Variants in ARHGEF18 observed in about 807,000 individuals in gnomAD.
ARHGEF18 encodes the protein Rho/Rac guanine nucleotide exchange factor 18, also known as rho guanine nucleotide exchange factor 18.
In ARHGEF18, 93 loss-of-function variants were observed where a neutral mutation model predicts 155.7. The observed-to-expected ratio is 0.60, with a 90% CI of 0.50 to 0.71. The LOEUF is 0.71. Ranked by LOEUF, ARHGEF18 falls within the 30% of genes least tolerant of loss-of-function variation. ARHGEF18 has a pLI of 0.00. For missense variants in ARHGEF18, 1,593 were observed against 1,816.1 expected (o/e 0.88, Z 2.23); for synonymous variants, 742 against 753.1 (o/e 0.99, Z 0.24).
At chr19:7,477,376 T>A, downstream of ARHGEF18, 1 of 1,554,590 alleles carries the variant, frequency 6.4e-7, no homozygotes. Flanking sequence ...TGCTGAGAAG[T>A]GACAGCGCCT....
At chr19:7,380,857 G>C in intron 7 of ARHGEF18, 60 bp from the exon 8 acceptor site, 1 of 1,115,806 alleles carries the variant, frequency 9.0e-7, no homozygotes, top group Non-Finnish European at 1.1e-6. Context: ...GGTAGCACTG[G>C]GGTAGGTGAG....
chr19:7,382,362 T>C (rs1433406355), intron 8 of ARHGEF18, among the ~76,000 whole-genome samples: 1 of 149,670 alleles, frequency 6.7e-6, no homozygotes, highest in African/African-American at 2.5e-5. Context: ...ACCACTGCAC[T>C]CCAGCCTGGG....
In ARHGEF18 at chr19:7,380,909, T is replaced by C. The variant is rs1401452327; in HGVS notation, c.645-8T>C. The stretch of plus-strand genomic sequence containing the variant: ...CGACCCAGGTATCTGTCCCCTCTGA[T>C]CCTGCAGGGCCCGGCAGAGGGCTTG... On this transcript the variant is annotated splice_region_variant and splice_polypyrimidine_tract_variant and intron_variant, in intron 7 of 28. Coordinates refer to ENST00000668164, the MANE Select transcript of ARHGEF18 (RefSeq NM_001367823.1). 2 of 1,231,748 alleles carry C rather than the reference T, an allele frequency of 1.6e-6. No homozygotes were observed. The highest frequency in any genetic ancestry group is 3.1e-5 in the African/African-American group (2 of 64,286). The allele number at this position is 1,231,748 out of a possible 1,614,324, so 76.3% of individuals were successfully genotyped here.
Position 7,458,558 on chromosome 19 carries a change from A to G in ARHGEF18, c.2228A>G (p.Glu743Gly). 6.2e-7 allele frequency: 1 copy of G among 1,614,136 alleles called. No individual in the cohort carries two copies. Among genetic ancestry groups the G allele is most frequent in the Non-Finnish European group, 8.5e-7 (1 of 1,180,022 alleles). ...VISLQKLIVR[E>G]VANEEKAMFL... ...TCGTTACAAAAGCTCATCGTGAGGG[A>G]AGTGGCCAACGAGGAGAAAGCGATG... is the stretch of plus-strand genomic sequence containing the variant. Residue 743 changes from glutamate to glycine, a missense_variant, in exon 19 of 29, where the codon GAA becomes GGA. Physicochemically the swap from Glu to Gly is moderately conservative, Grantham distance 98. Coordinates refer to ENST00000668164, the MANE Select transcript of ARHGEF18 (RefSeq NM_001367823.1).
At chr19:7,431,529 A>AAAAAAAAAAAAAAAAAAAAAAAAAAAAG (rs901539858) in intron 10 of ARHGEF18, among the ~76,000 whole-genome samples, 11 of 146,960 alleles carry the variant, frequency 7.5e-5, no homozygotes, top group Admixed American at 1.4e-4. Context: ...AAAAAAAAAA[A>AAAAAAAAAAAAAAAAAAAAAAAAAAAAG]AAAAGGCCGG....
chr19:7,403,733 C>T (rs1389638271), intron 10 of ARHGEF18, among the ~76,000 whole-genome samples: 3 of 151,810 alleles, frequency 2.0e-5, no homozygotes, highest in Non-Finnish European at 2.9e-5. Context: ...GATGAAGCCT[C>T]GCCGTGTTGC....
Position 7,387,022 on chromosome 19 carries a change from G to A in ARHGEF18, c.967+3819G>A, listed in dbSNP as rs192096123. Among the ~76,000 whole-genome samples, 31 of 152,210 alleles carry A rather than the reference G, an allele frequency of 2.0e-4. No individual in the cohort carries two copies. The East Asian group carries it at 5.2e-3, about 26-fold the overall frequency. On this transcript the variant is annotated intron_variant, in intron 10 of 28. Coordinates refer to ENST00000668164, the MANE Select transcript of ARHGEF18 (RefSeq NM_001367823.1). ...ATCTGCTGTGTCCCTGCGTTTTTCTGGAGGAGCAGAGCAGCTAGGGTTTTC... is the reference window on the plus strand; with the variant it reads ...ATCTGCTGTGTCCCTGCGTTTTTCTAGAGGAGCAGAGCAGCTAGGGTTTTC...
At chr19:7,369,317 T>A (rs1449720269) in intron 2 of ARHGEF18, among the ~76,000 whole-genome samples, 1 of 151,518 alleles carries the variant, frequency 6.6e-6, no homozygotes, top group East Asian at 1.9e-4. Context: ...CGAAATTAGC[T>A]GGGCGTGGTG....
intron 10 of ARHGEF18, among the ~76,000 whole-genome samples, chr19:7,417,810 C>G (rs1373243381): frequency 6.6e-6 from 1 of 152,086 alleles, no homozygotes; most frequent in Non-Finnish European, 1.5e-5. Flanking sequence ...AGCCAGGTGG[C>G]CCAGGAGAGT....
chr19:7,356,742 G>A (rs1480231203), intron 1 of ARHGEF18, among the ~76,000 whole-genome samples: 1 of 152,154 alleles, frequency 6.6e-6, no homozygotes, highest in Non-Finnish European at 1.5e-5. Context: ...GCCCATATGA[G>A]CGCCTCCTGG....
chr19:7,457,676 T>G (rs1053545310), intron 18 of ARHGEF18, among the ~76,000 whole-genome samples: 1 of 151,962 alleles, frequency 6.6e-6, no homozygotes, highest in East Asian at 1.9e-4. Context: ...AATCACCTCT[T>G]TAAAGGCCCC....
At chr19:7,397,587 G>T (rs1971789318) in intron 10 of ARHGEF18, among the ~76,000 whole-genome samples, 1 of 152,028 alleles carries the variant, frequency 6.6e-6, no homozygotes, top group South Asian at 2.1e-4. Flanking sequence ...CAAAAAATTA[G>T]CTGGGCATGA....
rs372068716 is a variant in ARHGEF18, at chr19:7,470,738, G to T, written c.*440G>T. 23 of 400,684 alleles carry T rather than the reference G, an allele frequency of 5.7e-5. No homozygotes were observed. In the East Asian group the frequency reaches 7.8e-4, roughly 14 times the overall value. 24.8% of individuals were successfully genotyped at this position (400,684 alleles called of 1,614,324 possible). A position where few individuals can be genotyped will look rare whatever the true frequency, so the allele number is the denominator to read the frequency against. Reference sequence around the variant, plus strand: ...CCGGCCGGGGCCACGCTCCACAGCCGCCGCGCGACAGTGGAGCCAAGGGTT... The same window carrying T: ...CCGGCCGGGGCCACGCTCCACAGCCTCCGCGCGACAGTGGAGCCAAGGGTT... On this transcript the variant is annotated 3_prime_UTR_variant, in exon 29 of 29. Coordinates refer to ENST00000668164, the MANE Select transcript of ARHGEF18 (RefSeq NM_001367823.1). The surrounding 1 kb of genome is among the most constrained non-coding windows in gnomAD (Gnocchi z 5.9).
Position 7,439,581 on chromosome 19 carries a change from C to A in ARHGEF18, c.968-763C>A, listed in dbSNP as rs1974493841. 11 of 687,060 alleles carry A rather than the reference C, an allele frequency of 1.6e-5. No individual in the cohort carries two copies. In the South Asian group the frequency reaches 6.0e-4, roughly 38 times the overall value. The allele number at this position is 687,060 out of a possible 1,614,324, so 42.6% of individuals were successfully genotyped here. ...TGGGTGTAGACAGCGGTTTGCAGCC[C>A]CTGTTGATGTTGGGTTGGTTTATAA... is the stretch of plus-strand genomic sequence containing the variant. On this transcript the variant is annotated intron_variant, in intron 10 of 28. Transcript: ENST00000668164.
rs936114532 is a variant in ARHGEF18 at position 7,467,328 on chromosome 19, C to G, written c.3124C>G (p.Arg1042Gly). ...TGGGAACCTGCTGCTGGAGCAGGAGCGGCAACGCAACTTCGAGAAGCAGCG... is the reference window on the plus strand; with the variant it reads ...TGGGAACCTGCTGCTGGAGCAGGAGGGGCAACGCAACTTCGAGAAGCAGCG... ...TRGNLLLEQE[R>G]QRNFEKQREE... is the part of the protein sequence containing the mutation. The change falls in exon 26 of 29, where the codon CGG becomes GGG. Residue 1042 changes from arginine (R) to glycine (G), a missense_variant. Physicochemically the swap from Arg to Gly is moderately radical, Grantham distance 125. Coordinates refer to ENST00000668164, the MANE Select transcript of ARHGEF18 (RefSeq NM_001367823.1). 4 of 1,538,414 alleles carry G rather than the reference C, an allele frequency of 2.6e-6. No homozygotes were observed. The highest frequency in any genetic ancestry group is 1.9e-4 in the Middle Eastern group (1 of 5,278).
chr19:7,410,129 G>A (rs1366107879), intron 10 of ARHGEF18, among the ~76,000 whole-genome samples: 1 of 151,972 alleles, frequency 6.6e-6, no homozygotes, highest in Non-Finnish European at 1.5e-5. Context: ...TGACATCATT[G>A]CAGTTCCCTT....
rs546860840 is a variant in ARHGEF18 at position 7,406,564 on chromosome 19, T to C, written c.967+23361T>C. Among the ~76,000 whole-genome samples the C allele has an allele frequency of 3.5e-3, 528 of 152,286 alleles. 1 individual carries two copies. The highest frequency in any genetic ancestry group is 0.012 in the African/African-American group (499 of 41,562). The stretch of plus-strand genomic sequence containing the variant: ...ACCTTCATCAAACACAAAAGTGTTA[T>C]AGATTCAGAGAGGGCAAAAAACAAA... On this transcript the variant is annotated intron_variant, in intron 10 of 28. Transcript: ENST00000668164.
At chr19:7,430,248 C>T (rs1391006454) in intron 10 of ARHGEF18, among the ~76,000 whole-genome samples, 1 of 152,122 alleles carries the variant, frequency 6.6e-6, no homozygotes, top group African/African-American at 2.4e-5. Context: ...GTCACCCAGG[C>T]TGGAGTGCAG....
chr19:7,409,332 A>AG (rs1289983937), intron 10 of ARHGEF18, among the ~76,000 whole-genome samples: 1 of 150,368 alleles, frequency 6.7e-6, no homozygotes, highest in Non-Finnish European at 1.5e-5. Context: ...TTTCTTAAAA[A>AG]AAAAAAAAAA....
Sources: allele counts gnomAD v4.1 joint callset (sites outside exome capture counted in the v4.1 genomes callset), GRCh38; gene constraint gnomAD v4.1.1; non-coding constraint Gnocchi (gnomAD v3.1); transcripts MANE v1.5; gene names NCBI Gene and HGNC (gene_info 2026-07-23, HGNC 2026-07-21).